The following RAMP1 variants were observed in gnomAD, a reference collection of about 807,000 sequenced individuals.
The protein encoded by RAMP1 is receptor activity modifying protein 1, also known as receptor activity-modifying protein 1.
RAMP1 carries 7 observed loss-of-function variants against 8.2 expected under a neutral mutation model. The ratio of observed to expected loss-of-function variants is 0.85; its 90% confidence interval spans 0.49 to 1.60. The LOEUF (loss-of-function observed/expected upper bound fraction) is 1.60, where lower values mean the gene tolerates loss of function less well. RAMP1 is among the 40% of genes most tolerant of loss of function. The pLI is 0.00. For synonymous variants in RAMP1, 92 were observed against 84.7 expected, an observed-to-expected ratio of 1.09 and a Z score of -0.47; for missense variants, 192 against 202.4, an observed-to-expected ratio of 0.95 and a Z score of 0.31.
At chr2:237,909,318 C>T (rs944289754) in intron 2 of RAMP1, among the ~76,000 whole-genome samples, 4 of 152,174 alleles carry the variant, frequency 2.6e-5, no homozygotes, top group East Asian at 1.9e-4. Flanking sequence ...TGGGTAACAG[C>T]GGTCCCCGAG....
chr2:237,899,323 G>T (rs112857626), intron 2 of RAMP1, among the ~76,000 whole-genome samples: 3 of 152,128 alleles, frequency 2.0e-5, no homozygotes, highest in African/African-American at 7.2e-5. Context: ...CGCCCGCCTC[G>T]GCCTCCCAAA....
intron 1 of RAMP1, among the ~76,000 whole-genome samples, chr2:237,875,025 A>G (rs1277982311): frequency 6.6e-6 from 1 of 152,102 alleles, no homozygotes; most frequent in East Asian, 1.9e-4. Flanking sequence ...AGTGAGGGAT[A>G]AACAGAGGGA....
intron 1 of RAMP1, chr2:237,874,624 C>T (rs745725027): frequency 2.6e-5 from 25 of 978,136 alleles, no homozygotes; most frequent in Non-Finnish European, 3.0e-5. Flanking sequence ...ATGACCCTGA[C>T]ACCCAATCTT....
At chr2:237,898,244 A>G (rs1576552971) in intron 2 of RAMP1, among the ~76,000 whole-genome samples, 1 of 152,238 alleles carries the variant, frequency 6.6e-6, no homozygotes, top group Admixed American at 6.5e-5. Flanking sequence ...ATTCCTGTTT[A>G]ACATATTCAT....
intron 2 of RAMP1, among the ~76,000 whole-genome samples, chr2:237,886,196 G>A (rs1003055902): frequency 5.3e-5 from 8 of 152,052 alleles, no homozygotes; most frequent in South Asian, 2.1e-4. Flanking sequence ...GGGATATGCC[G>A]GCCCTGCCCA....
intron 2 of RAMP1, among the ~76,000 whole-genome samples, chr2:237,892,276 CTT>C (rs201847138): frequency 1.5e-3 from 203 of 134,328 alleles, no homozygotes; most frequent in African/African-American, 5.2e-3. Context: ...TTCTTTCTTT[CTT>C]TTTTTTTTTT....
chr2:237,894,214 G>A lies in RAMP1; in HGVS notation c.191+16852G>A, dbSNP rs549274541. ...TTGAACTCCTGACCTCAAGTGATCA[G>A]CCCACCTTGGCCCTCCAAAGTCTTG... On this transcript the variant is annotated intron_variant, in intron 2 of 2. Transcript: ENST00000254661. Among the ~76,000 whole-genome samples, 3 of 152,092 alleles carry A rather than the reference G, an allele frequency of 2.0e-5. No homozygotes were observed. In the East Asian group the frequency reaches 5.9e-4, roughly 30 times the overall value.
intron 2 of RAMP1, among the ~76,000 whole-genome samples, chr2:237,890,198 G>A (rs1314200385): frequency 6.6e-6 from 1 of 152,038 alleles, no homozygotes; most frequent in Non-Finnish European, 1.5e-5. Context: ...TCAAGGGTGG[G>A]AAATAATTTT....
In RAMP1 at chr2:237,878,117, C is replaced by T. The variant is rs985594735; in HGVS notation, c.191+755C>T. 6.0e-5 allele frequency: 59 copies of T among 985,278 alleles called. No individual in the cohort carries two copies. Among genetic ancestry groups the T allele is most frequent in the Admixed American group, 3.1e-4 (5 of 16,264 alleles). The allele number at this position is 985,278 out of a possible 1,614,324, so 61.0% of individuals were successfully genotyped here. On this transcript the variant is annotated intron_variant, in intron 2 of 2. Coordinates refer to ENST00000254661, the MANE Select transcript of RAMP1 (RefSeq NM_005855.4). This position sits in a 1 kb window ranked among gnomAD's most constrained non-coding sequence, Gnocchi z 5.7. ...TCCTGGGGCTGCAGTGGGTGAGTAG[C>T]GGGGTCAGCAGTGCATGCGTGGAGC...
chr2:237,878,674 G>A lies in RAMP1; in HGVS notation c.191+1312G>A, dbSNP rs988944939. On this transcript the variant is annotated intron_variant, in intron 2 of 2. Coordinates refer to ENST00000254661, the MANE Select transcript of RAMP1 (RefSeq NM_005855.4). The surrounding 1 kb of genome is among the most constrained non-coding windows in gnomAD (Gnocchi z 5.7). ...CGGCCATGTGCTCTCTGCCCACTTCGTCCACCCCAGGGAACTCCCTCAGGC... is the reference window on the plus strand; with the variant it reads ...CGGCCATGTGCTCTCTGCCCACTTCATCCACCCCAGGGAACTCCCTCAGGC... Among the ~76,000 whole-genome samples the A allele has an allele frequency of 4.6e-5, 7 of 152,340 alleles. No individual in the cohort carries two copies. The highest frequency in any genetic ancestry group is 3.8e-4 in the East Asian group (2 of 5,196).
At chr2:237,879,215 C>G (rs537601529) in intron 2 of RAMP1, among the ~76,000 whole-genome samples, 2 of 152,248 alleles carry the variant, frequency 1.3e-5, no homozygotes, top group African/African-American at 2.4e-5. Flanking sequence ...CACTCTCCCC[C>G]GCCTGCTTTG....
intron 1 of RAMP1, among the ~76,000 whole-genome samples, chr2:237,860,760 G>T (rs550798276): frequency 1.3e-5 from 2 of 152,102 alleles, no homozygotes; most frequent in African/African-American, 4.8e-5. Context: ...GCTGGCACTG[G>T]GCAAGCAGGG....
intron 1 of RAMP1, among the ~76,000 whole-genome samples, chr2:237,866,811 C>T (rs2062191906): frequency 6.6e-6 from 1 of 151,942 alleles, no homozygotes; most frequent in South Asian, 2.1e-4. Context: ...TCACCACAAC[C>T]TCCAACTCCC....
intron 1 of RAMP1, among the ~76,000 whole-genome samples, chr2:237,866,998 G>A (rs1559935261): frequency 6.6e-6 from 1 of 152,078 alleles, no homozygotes; most frequent in Non-Finnish European, 1.5e-5. Context: ...CGAAGTGCTG[G>A]GATTACAGGC....
At chr2:237,899,738 T>C (rs2062579549) in intron 2 of RAMP1, among the ~76,000 whole-genome samples, 1 of 152,206 alleles carries the variant, frequency 6.6e-6, no homozygotes, top group Admixed American at 6.5e-5. Flanking sequence ...CAGGGTTTGT[T>C]AACTTTTTTA....
rs1246226373 is a variant in RAMP1 at position 237,866,252 on chromosome 2, TATTTTCCCCC to T, written c.52+6531_52+6540del. Among the ~76,000 whole-genome samples, 5 of 152,230 alleles carry T rather than the reference TATTTTCCCCC, an allele frequency of 3.3e-5. No homozygotes were observed. In the East Asian group the frequency reaches 7.7e-4, roughly 24 times the overall value. On this transcript the variant is annotated intron_variant, in intron 1 of 2. Transcript: ENST00000254661. ...TCTGTGGCCACTACCGAGAGTGGGA[TATTTTCCCCC>T]ATTTTATTTTCTAGCTGGTCATCGC...
At chr2:237,860,734 A>C (rs1204307880) in intron 1 of RAMP1, among the ~76,000 whole-genome samples, 2 of 152,310 alleles carry the variant, frequency 1.3e-5, no homozygotes, top group East Asian at 3.9e-4. Context: ...CACCTGCCGC[A>C]CAAGACCTCT....
intron 2 of RAMP1, among the ~76,000 whole-genome samples, chr2:237,889,024 C>T (rs1414176205): frequency 6.6e-6 from 1 of 152,160 alleles, no homozygotes; most frequent in African/African-American, 2.4e-5. Context: ...CCATCCGCCT[C>T]GGCCTCCCAA....
At chr2:237,909,472 A>G (rs1354124896) in intron 2 of RAMP1, among the ~76,000 whole-genome samples, 1 of 152,138 alleles carries the variant, frequency 6.6e-6, no homozygotes, top group Non-Finnish European at 1.5e-5. Flanking sequence ...TCAGTCCCCA[A>G]GAACAGGCTC....
Sources: gnomAD v4.1 joint callset for allele counts (sites outside exome capture counted in the v4.1 genomes callset) on GRCh38, gnomAD v4.1.1 for gene constraint, Gnocchi (gnomAD v3.1) non-coding constraint, MANE v1.5 for transcripts, NCBI Gene and HGNC (gene_info 2026-07-23, HGNC 2026-07-21) for gene names.